Variants in ZMIZ1 observed in about 807,000 individuals in gnomAD.
ZMIZ1 encodes the protein zinc finger MIZ domain-containing protein 1.
Under a neutral mutation model 113.9 loss-of-function variants are expected in ZMIZ1, and 17 were observed. The ratio of observed to expected loss-of-function variants is 0.15; its 90% CI spans 0.10 to 0.22. The LOEUF is 0.22. Among genes scored for constraint, ZMIZ1 ranks in the 10% least tolerant of loss-of-function variants. The pLI, the probability that ZMIZ1 is intolerant of heterozygous loss-of-function variation, is 1.00. For missense variants in ZMIZ1, 1,059 were observed against 1,477.8 expected, an observed-to-expected ratio of 0.72 and a Z score of 4.65; for synonymous variants, 607 against 603.1, an observed-to-expected ratio of 1.01 and a Z score of -0.09.
At position 79,077,159 on chromosome 10, in the gene ZMIZ1, G is replaced by A. The variant is rs562487605; in HGVS notation, c.-337+7889G>A. On this transcript the variant is annotated intron_variant, in intron 1 of 24. Transcript: ENST00000334512. ...CAGCTAGGCTCAGGACAAAGGAGGA[G>A]ATGCCAGGTGCCTGGACCTTGCCCT... 6.6e-4 allele frequency among the ~76,000 whole-genome samples: 101 copies of A among 152,298 alleles called. 1 individual carries two copies. The South Asian group carries it at 0.02, about 31-fold the overall frequency.
chr10:79,128,812 T>C (rs1312863578), intron 2 of ZMIZ1, among the ~76,000 whole-genome samples: 1 of 147,524 alleles, frequency 6.8e-6, no homozygotes, highest in African/African-American at 2.6e-5. Flanking sequence ...TCTCCCGGGC[T>C]TTGGGATCAT....
chr10:79,139,610 A>G (rs539442705), intron 2 of ZMIZ1, 72 bp from the exon 3 acceptor site: 15 of 397,832 alleles, frequency 3.8e-5, no homozygotes, highest in Non-Finnish European at 6.2e-5. Flanking sequence ...CGGCAGGGAC[A>G]GAGGTGGGAG....
At position 79,162,724 on chromosome 10, in the gene ZMIZ1, AAGGACT is replaced by A. The variant is rs201106951; in HGVS notation, c.-50+595_-50+600del. ...GGAGACTACACACCTGGCACACAGC[AAGGACT>A]AGGGACATGTCAGTCCTTTTCCTCA... On this transcript the variant is annotated intron_variant, in intron 4 of 24. Coordinates refer to ENST00000334512, the MANE Select transcript of ZMIZ1 (RefSeq NM_020338.4). 8.6e-3 allele frequency among the ~76,000 whole-genome samples: 1,309 copies of A among 152,300 alleles called. 20 individuals carry two copies. The highest frequency in any genetic ancestry group is 0.03 in the African/African-American group (1,250 of 41,558).
In ZMIZ1 at chr10:79,139,710, G is replaced by T; in HGVS notation, c.-198G>T. 1 of 398,836 alleles carries T rather than the reference G, an allele frequency of 2.5e-6. No homozygotes were observed. 24.7% of individuals were successfully genotyped at this position (398,836 alleles called of 1,614,324 possible). ...GAAGAGGAGGAGGCCCGTTGGCGTC[G>T]GACCAATGCTGCAAGGGGTGTGAGG... On this transcript the variant is annotated 5_prime_UTR_variant, in exon 3 of 25. Transcript: ENST00000334512.
rs1361888623 is a variant in ZMIZ1 at position 79,315,867 on chromosome 10, AAAG to A, written c.*3119_*3121del. On this transcript the variant is annotated 3_prime_UTR_variant, in exon 25 of 25. Coordinates refer to ENST00000334512, the MANE Select transcript of ZMIZ1 (RefSeq NM_020338.4). ...TGCGAAACAAAACAAAACAAAAAAAAAAGCTTGGAACTCCATCACGTGGAAAAA... is the reference window on the plus strand; with the variant it reads ...TGCGAAACAAAACAAAACAAAAAAAACTTGGAACTCCATCACGTGGAAAAA... 1 of 152,784 alleles carries A rather than the reference AAAG, an allele frequency of 6.5e-6. No homozygotes were observed. Among genetic ancestry groups the A allele is most frequent in the African/African-American group, 2.4e-5 (1 of 41,460 alleles). 9.5% of individuals were successfully genotyped at this position (152,784 alleles called of 1,614,324 possible).
At chr10:79,214,088 G>C (rs1322838668) in intron 6 of ZMIZ1, among the ~76,000 whole-genome samples, 5 of 152,176 alleles carry the variant, frequency 3.3e-5, no homozygotes, top group Non-Finnish European at 4.4e-5. Flanking sequence ...AGCTGCAGTG[G>C]TCCCTCCAGC....
chr10:79,185,561 AT>A (rs1847318538), intron 4 of ZMIZ1, among the ~76,000 whole-genome samples: 1 of 151,474 alleles, frequency 6.6e-6, no homozygotes, highest in Non-Finnish European at 1.5e-5. Context: ...GCAGGTTTAT[AT>A]TTGGAAAGCA....
At chr10:79,267,834 A>C (rs1335237884) in intron 7 of ZMIZ1, among the ~76,000 whole-genome samples, 1 of 152,104 alleles carries the variant, frequency 6.6e-6, no homozygotes, top group African/African-American at 2.4e-5. Context: ...GGTTCCTCTT[A>C]GTGTCTGTCC....
chr10:79,101,347 G>A (rs1041725590), intron 1 of ZMIZ1, among the ~76,000 whole-genome samples: 11 of 152,152 alleles, frequency 7.2e-5, no homozygotes, highest in African/African-American at 2.4e-4. Context: ...AAAAACATCT[G>A]AGGCAGAGGG....
intron 1 of ZMIZ1, among the ~76,000 whole-genome samples, chr10:79,112,356 A>G (rs911237864): frequency 3.3e-5 from 5 of 152,134 alleles, no homozygotes; most frequent in African/African-American, 4.8e-5. Flanking sequence ...ACATGTAGCA[A>G]TTCAGGTGGG....
chr10:79,143,674 A>G (rs1454809080), intron 3 of ZMIZ1, among the ~76,000 whole-genome samples: 2 of 152,062 alleles, frequency 1.3e-5, no homozygotes, highest in East Asian at 1.9e-4. Context: ...AACAGTGAGC[A>G]CTGCAGGTGC....
intron 7 of ZMIZ1, among the ~76,000 whole-genome samples, chr10:79,270,634 G>A (rs1383618385): frequency 4.6e-5 from 7 of 152,154 alleles, no homozygotes; most frequent in Admixed American, 6.5e-5. Context: ...TGGTGTCCCC[G>A]TGGCTTCCTG....
chr10:79,288,663 G>T (rs1052742547), intron 8 of ZMIZ1, among the ~76,000 whole-genome samples: 2 of 152,192 alleles, frequency 1.3e-5, no homozygotes, highest in Admixed American at 6.5e-5. Flanking sequence ...CAGAGAGCCA[G>T]TGCCGGCTCT....
At chr10:79,150,681 G>C (rs1298058302) in intron 3 of ZMIZ1, among the ~76,000 whole-genome samples, 1 of 152,220 alleles carries the variant, frequency 6.6e-6, no homozygotes, top group South Asian at 2.1e-4. Context: ...AAGGGTTTGG[G>C]GTGGGTTGAA....
intron 4 of ZMIZ1, among the ~76,000 whole-genome samples, chr10:79,176,165 A>G (rs1846858579): frequency 6.6e-6 from 1 of 151,978 alleles, no homozygotes; most frequent in Non-Finnish European, 1.5e-5. Context: ...CCAGGATGAC[A>G]TTCCAGGGCC....
At chr10:79,246,393 G>A (rs1850199068) in intron 7 of ZMIZ1, among the ~76,000 whole-genome samples, 1 of 152,248 alleles carries the variant, frequency 6.6e-6, no homozygotes, top group Non-Finnish European at 1.5e-5. Flanking sequence ...TTCTGTGCTG[G>A]CAGAGCTGGA....
At chr10:79,243,765 GCCTGGGCGCCCACGGGCCGGGC>G (rs1850018234) in intron 7 of ZMIZ1, 2 of 237,620 alleles carry the variant, frequency 8.4e-6, no homozygotes, top group South Asian at 6.5e-5. Flanking sequence ...AGGGGTCGGC[GCCTGGGCGCCCACGGGCCGGGC>G]CCTGGGCTCC....
At chr10:79,246,540 C>T (rs553545757) in intron 7 of ZMIZ1, among the ~76,000 whole-genome samples, 1 of 152,270 alleles carries the variant, frequency 6.6e-6, no homozygotes, top group South Asian at 2.1e-4. Flanking sequence ...CTTAGCACCA[C>T]CTCAGAGAGA....
At chr10:79,100,475 A>G (rs1843325199) in intron 1 of ZMIZ1, among the ~76,000 whole-genome samples, 1 of 149,334 alleles carries the variant, frequency 6.7e-6, no homozygotes, top group South Asian at 2.1e-4. Context: ...TGAGGTTATC[A>G]GGCCTGGGTG....
Sources: gnomAD v4.1 joint callset for allele counts (sites outside exome capture counted in the v4.1 genomes callset) on GRCh38, gnomAD v4.1.1 for gene constraint, MANE v1.5 for transcripts, NCBI Gene and HGNC (gene_info 2026-07-23, HGNC 2026-07-21) for gene names.